Variants in LRRC20 observed in about 807,000 individuals in gnomAD.
The protein encoded by LRRC20 is leucine-rich repeat-containing protein 20.
A neutral mutation model predicts 14.4 loss-of-function variants in LRRC20; 11 were observed. The ratio of observed to expected loss-of-function variants is 0.77; its 90% CI spans 0.48 to 1.27. LRRC20 has a LOEUF of 1.27. Ranked by LOEUF, LRRC20 falls within the 50% of genes most tolerant of loss-of-function variation. The pLI is 0.00. For missense variants in LRRC20, 219 were observed against 251.2 expected, an observed-to-expected ratio of 0.87 and a Z score of 0.87; for synonymous variants, 121 against 107.3, an observed-to-expected ratio of 1.13 and a Z score of -0.79.
chr10:70,351,711 C>T (rs1392195841), intron 2 of LRRC20, among the ~76,000 whole-genome samples: 1 of 152,178 alleles, frequency 6.6e-6, no homozygotes, highest in Non-Finnish European at 1.5e-5. Flanking sequence ...CAATGAATAG[C>T]AGCAACTAGA....
intron 3 of LRRC20, among the ~76,000 whole-genome samples, chr10:70,331,171 A>G (rs1842523923): frequency 6.6e-6 from 1 of 152,204 alleles, no homozygotes; most frequent in African/African-American, 2.4e-5. Flanking sequence ...CTTGTCTACA[A>G]CTAAGCCCCC....
At chr10:70,362,000 A>C (rs1262748097) in intron 2 of LRRC20, among the ~76,000 whole-genome samples, 2 of 152,232 alleles carry the variant, frequency 1.3e-5, no homozygotes, top group Non-Finnish European at 1.5e-5. Flanking sequence ...CAGCCTGGCC[A>C]ACATGGTGAA....
At chr10:70,338,948 A>G (rs1401776571) in intron 3 of LRRC20, among the ~76,000 whole-genome samples, 1 of 152,240 alleles carries the variant, frequency 6.6e-6, no homozygotes, top group African/African-American at 2.4e-5. Flanking sequence ...GGCGTGAGCC[A>G]CTGCACCTGG....
At chr10:70,330,579 C>G (rs1479936570) in intron 3 of LRRC20, among the ~76,000 whole-genome samples, 1 of 152,096 alleles carries the variant, frequency 6.6e-6, no homozygotes, top group African/African-American at 2.4e-5. Context: ...CCAAATTCCA[C>G]CAAAATTGTT....
intron 2 of LRRC20, among the ~76,000 whole-genome samples, chr10:70,350,134 G>C (rs181746725): frequency 6.6e-6 from 1 of 152,332 alleles, no homozygotes; most frequent in African/African-American, 2.4e-5. Flanking sequence ...AGTGCTAAAT[G>C]GCGGTCACAG....
At chr10:70,325,354 C>T (rs759183846) in intron 3 of LRRC20, among the ~76,000 whole-genome samples, 34 of 152,176 alleles carry the variant, frequency 2.2e-4, no homozygotes, top group Non-Finnish European at 4.0e-4. Context: ...CCCAGGATAG[C>T]GGCCTGCTCT....
chr10:70,327,462 C>T (rs903782627), intron 3 of LRRC20, among the ~76,000 whole-genome samples: 1 of 152,006 alleles, frequency 6.6e-6, no homozygotes, highest in African/African-American at 2.4e-5. Flanking sequence ...GTAATCCCAG[C>T]TTCTTGAGAG....
chr10:70,363,117 A>G (rs1843813614), intron 2 of LRRC20, among the ~76,000 whole-genome samples: 1 of 34,006 alleles, frequency 2.9e-5, no homozygotes, highest in Non-Finnish European at 7.5e-5. Context: ...TAAAAAAAAA[A>G]AAAATTTTAA....
At chr10:70,341,320 C>T (rs1842904738) in intron 2 of LRRC20, among the ~76,000 whole-genome samples, 1 of 152,178 alleles carries the variant, frequency 6.6e-6, no homozygotes, top group Non-Finnish European at 1.5e-5. Context: ...AACATACATC[C>T]ATGCAAAAAC....
chr10:70,343,389 C>T (rs1158583017), intron 2 of LRRC20, among the ~76,000 whole-genome samples: 1 of 152,328 alleles, frequency 6.6e-6, no homozygotes, highest in Middle Eastern at 3.4e-3. Context: ...GTACAGATGA[C>T]TGAGGGTCCA....
At chr10:70,316,076 G>C (rs779037883) in intron 4 of LRRC20, among the ~76,000 whole-genome samples, 1 of 152,172 alleles carries the variant, frequency 6.6e-6, no homozygotes, top group Non-Finnish European at 1.5e-5. Context: ...GTAGTGGAGA[G>C]TGGCAGTAAA....
rs536981469 is a variant in LRRC20, at chr10:70,311,843, G to A, written c.401-10335C>T. The stretch of plus-strand genomic sequence containing the variant: ...ACAGCCACCCTGGACTCCCACCTAT[G>A]TCTGTGGGAAGTTTAGAGTAATCAA... On this transcript the variant is annotated intron_variant, in intron 4 of 4. Coordinates refer to ENST00000446961, the MANE Select transcript of LRRC20 (RefSeq NM_001278212.2). Among the ~76,000 whole-genome samples the A allele has an allele frequency of 3.3e-5, 5 of 152,330 alleles. No homozygotes were observed. The South Asian group carries it at 8.3e-4, about 25-fold the overall frequency.
At chr10:70,370,502 C>T (rs1262926519) in intron 2 of LRRC20, among the ~76,000 whole-genome samples, 2 of 152,164 alleles carry the variant, frequency 1.3e-5, no homozygotes, top group African/African-American at 4.8e-5. Context: ...GCCTGTAATC[C>T]TAGCACTTCG....
At chr10:70,350,752 C>A (rs1843269420) in intron 2 of LRRC20, among the ~76,000 whole-genome samples, 1 of 152,186 alleles carries the variant, frequency 6.6e-6, no homozygotes, top group Admixed American at 6.5e-5. Context: ...TGTGACCTAG[C>A]CAAGAAGTAA....
chr10:70,370,733 A>G (rs1033220936), intron 2 of LRRC20, among the ~76,000 whole-genome samples: 2 of 152,114 alleles, frequency 1.3e-5, no homozygotes, highest in Admixed American at 6.6e-5. Flanking sequence ...ACAGAGTGGG[A>G]CTCCATTTCA....
chr10:70,367,286 T>G (rs1362397689), intron 2 of LRRC20, among the ~76,000 whole-genome samples: 1 of 130,022 alleles, frequency 7.7e-6, no homozygotes, highest in East Asian at 2.3e-4. Flanking sequence ...ATCATACCAC[T>G]GCACTGCACT....
intron 2 of LRRC20, among the ~76,000 whole-genome samples, chr10:70,356,716 TG>T (rs1206640531): frequency 6.6e-6 from 1 of 151,592 alleles, no homozygotes; most frequent in Admixed American, 6.6e-5. Flanking sequence ...CAGGGTGTGG[TG>T]GCAGGTGCCT....
chr10:70,317,612 C>T (rs138921615), intron 4 of LRRC20, among the ~76,000 whole-genome samples: 1 of 152,298 alleles, frequency 6.6e-6, no homozygotes, highest in African/African-American at 2.4e-5. Flanking sequence ...CTCCCAGCCT[C>T]AAGCGATCCT....
chr10:70,358,899 G>A (rs10823529), intron 2 of LRRC20, among the ~76,000 whole-genome samples: 83,162 of 152,052 alleles, frequency 0.55, 23,873 homozygotes, highest in Non-Finnish European at 0.63. Flanking sequence ...CCAGTACAGC[G>A]CTGGGCAAAC....
Sources: allele counts gnomAD v4.1 joint callset (sites outside exome capture counted in the v4.1 genomes callset), GRCh38; gene constraint gnomAD v4.1.1; transcripts MANE v1.5; gene names NCBI Gene and HGNC (gene_info 2026-07-23, HGNC 2026-07-21).